RBFOX3: variants seen among roughly 807,000 people sequenced by gnomAD.
RBFOX3 encodes RNA binding fox-1 homolog 3.
RBFOX3 carries 17 observed loss-of-function variants against 48.7 expected under a neutral mutation model. The ratio of observed to expected loss-of-function variants is 0.35; its 90% CI spans 0.24 to 0.52. RBFOX3 has a LOEUF of 0.52. RBFOX3 is among the 20% of genes least tolerant of loss of function. RBFOX3 has a pLI of 0.94. For synonymous variants in RBFOX3, 212 were observed against 209.5 expected (o/e 1.01, Z -0.10); for missense variants, 382 against 497.5 (o/e 0.77, Z 2.21).
At chr17:79,107,916 C>T (rs1007627381) in intron 5 of RBFOX3, among the ~76,000 whole-genome samples, 3 of 152,216 alleles carry the variant, frequency 2.0e-5, no homozygotes, top group Non-Finnish European at 4.4e-5. Context: ...CGCGGGGTGC[C>T]CTGGAGGGGT....
At chr17:79,218,759 TGAG>T (rs1202913309) in intron 4 of RBFOX3, among the ~76,000 whole-genome samples, 1 of 151,978 alleles carries the variant, frequency 6.6e-6, no homozygotes, top group Non-Finnish European at 1.5e-5. Flanking sequence ...CCTTGAAGAA[TGAG>T]GAGGGGGACT....
At chr17:79,323,978 A>G (rs1318950354) in intron 2 of RBFOX3, among the ~76,000 whole-genome samples, 1 of 152,200 alleles carries the variant, frequency 6.6e-6, no homozygotes, top group African/African-American at 2.4e-5. Flanking sequence ...AGCATCACTC[A>G]AGTGCTTCTG....
chr17:79,504,567 G>A (rs2082822416), intron 1 of RBFOX3, among the ~76,000 whole-genome samples: 2 of 152,256 alleles, frequency 1.3e-5, no homozygotes, highest in Admixed American at 6.5e-5. Flanking sequence ...CCAGCCTCTG[G>A]GGCTGCAGCA....
chr17:79,356,502 G>T (rs1294464647), intron 2 of RBFOX3, among the ~76,000 whole-genome samples: 1 of 151,476 alleles, frequency 6.6e-6, no homozygotes, highest in Admixed American at 6.6e-5. Flanking sequence ...CCAGGTAGCT[G>T]GGATTACAGG....
At chr17:79,433,502 C>A (rs1249298011) in intron 2 of RBFOX3, among the ~76,000 whole-genome samples, 1 of 152,218 alleles carries the variant, frequency 6.6e-6, no homozygotes, top group African/African-American at 2.4e-5. Flanking sequence ...TGTGAGCAGA[C>A]AATGTACACA....
At position 79,364,651 on chromosome 17, in the gene RBFOX3, C is replaced by T. The variant is rs191464745; in HGVS notation, c.-174-56827G>A. Among the ~76,000 whole-genome samples, 271 of 152,228 alleles carry T rather than the reference C, an allele frequency of 1.8e-3. 2 individuals carry two copies. Among genetic ancestry groups the T allele is most frequent in the African/African-American group, 6.2e-3 (258 of 41,526 alleles). ...TGACGGGGAGCGGGCGTGAGCAGGT[C>T]GGATAGCCTGCTGTTTGCTTTCTGG... On this transcript the variant is annotated intron_variant, in intron 2 of 14. Coordinates refer to ENST00000693108, the MANE Select transcript of RBFOX3 (RefSeq NM_001350451.2). This position sits in a 1 kb window ranked among gnomAD's most constrained non-coding sequence, Gnocchi z 5.1.
At chr17:79,565,267 T>G (rs1354908984) in intron 1 of RBFOX3, among the ~76,000 whole-genome samples, 5 of 152,248 alleles carry the variant, frequency 3.3e-5, no homozygotes, top group African/African-American at 1.2e-4. Context: ...CTTTCTCTAC[T>G]TTTTGCAAAG....
At chr17:79,430,991 C>G in intron 2 of RBFOX3, among the ~76,000 whole-genome samples, 1 of 152,100 alleles carries the variant, frequency 6.6e-6, no homozygotes, top group South Asian at 2.1e-4. Flanking sequence ...TGATAGGTGC[C>G]GAAGATTGGA....
chr17:79,158,236 C>T (rs1331482798), intron 4 of RBFOX3, among the ~76,000 whole-genome samples: 1 of 152,220 alleles, frequency 6.6e-6, no homozygotes, highest in African/African-American at 2.4e-5. Flanking sequence ...AAACTCCCAG[C>T]CTTCAGAACT....
intron 4 of RBFOX3, among the ~76,000 whole-genome samples, chr17:79,130,353 C>A (rs1288004022): frequency 6.6e-6 from 1 of 152,164 alleles, no homozygotes; most frequent in Non-Finnish European, 1.5e-5. Flanking sequence ...CCAGGCAGAG[C>A]CACACTGTGG....
the RBFOX3 span, among the ~76,000 whole-genome samples, chr17:79,641,891 G>A: frequency 2.6e-5 from 4 of 152,066 alleles, no homozygotes; most frequent in Non-Finnish European, 5.9e-5. Flanking sequence ...CTCTTGCTCT[G>A]GCCATGTAAA....
rs2088630473 is a variant in RBFOX3 at position 79,535,826 on chromosome 17, G to A, written c.-319-53228C>T. 6.6e-6 allele frequency among the ~76,000 whole-genome samples: 1 copy of A among 152,112 alleles called. No individual in the cohort carries two copies. On this transcript the variant is annotated intron_variant, in intron 1 of 14. Coordinates refer to ENST00000693108, the MANE Select transcript of RBFOX3 (RefSeq NM_001350451.2). This position sits in a 1 kb window ranked among gnomAD's most constrained non-coding sequence, Gnocchi z 4.5. ...GGAACAGGGTGGGAAGAGTCCACACGGAGAGGGGCCGTGGGTTGATCTCTG... is the reference window on the plus strand; with the variant it reads ...GGAACAGGGTGGGAAGAGTCCACACAGAGAGGGGCCGTGGGTTGATCTCTG...
chr17:79,182,826 C>T (rs1297737653), intron 4 of RBFOX3, among the ~76,000 whole-genome samples: 2 of 151,504 alleles, frequency 1.3e-5, no homozygotes, highest in African/African-American at 4.8e-5. Flanking sequence ...TCGGCGCCCC[C>T]GCCGCCACCT....
At chr17:79,100,820 A>G (rs1568127340) in intron 9 of RBFOX3, among the ~76,000 whole-genome samples, 1 of 152,198 alleles carries the variant, frequency 6.6e-6, no homozygotes. Flanking sequence ...CTGCTTCTCC[A>G]GAGCCAGCAC....
chr17:79,351,149 T>A (rs958192241), intron 2 of RBFOX3, among the ~76,000 whole-genome samples: 3 of 152,236 alleles, frequency 2.0e-5, no homozygotes, highest in African/African-American at 7.2e-5. Flanking sequence ...ATTTTGTGTA[T>A]CTGTTCATCC....
chr17:79,336,467 C>T (rs539828070), intron 2 of RBFOX3, among the ~76,000 whole-genome samples: 40 of 152,126 alleles, frequency 2.6e-4, no homozygotes, highest in African/African-American at 9.4e-4. Context: ...GTGGGGCAAC[C>T]GAGCTTCTGA....
intron 4 of RBFOX3, chr17:79,234,849 G>A (rs62062902): frequency 0.2 from 30,058 of 147,806 alleles, 3,346 homozygotes; most frequent in East Asian, 0.37. Flanking sequence ...CTCCTGCCTC[G>A]GCCTACCAGT....
intron 1 of RBFOX3, among the ~76,000 whole-genome samples, chr17:79,522,690 G>T (rs1281271503): frequency 6.6e-6 from 1 of 152,064 alleles, no homozygotes; most frequent in African/African-American, 2.4e-5. Context: ...AGCACTTTGG[G>T]ATGCCAAAGC....
At chr17:79,640,732 A>T in the RBFOX3 span, among the ~76,000 whole-genome samples, 92 of 152,288 alleles carry the variant, frequency 6.0e-4, no homozygotes, top group African/African-American at 2.1e-3. Flanking sequence ...ACTGGTGTTT[A>T]AAAAAACTGA....
Sources: gnomAD v4.1 joint callset for allele counts (sites outside exome capture counted in the v4.1 genomes callset) on GRCh38, gnomAD v4.1.1 for gene constraint, Gnocchi (gnomAD v3.1) non-coding constraint, MANE v1.5 for transcripts, NCBI Gene and HGNC (gene_info 2026-07-23, HGNC 2026-07-21) for gene names.